IPO7: variants seen among roughly 807,000 people sequenced by gnomAD.
The protein encoded by IPO7 is importin-7.
Under a neutral mutation model 136.4 loss-of-function variants are expected in IPO7, and 13 were observed. The ratio of observed to expected loss-of-function variants is 0.10; its 90% CI spans 0.06 to 0.15. The LOEUF (loss-of-function observed/expected upper bound fraction) is 0.15. Among genes scored for constraint, IPO7 ranks in the 10% least tolerant of loss-of-function variants. The probability of loss-of-function intolerance (pLI) is 1.00; values close to 1 mark genes in which losing one functional copy is unlikely to be tolerated. For missense variants in IPO7, 857 were observed against 1,240.6 expected (o/e 0.69, Z 4.65); for synonymous variants, 403 against 404.4 (o/e 1.00, Z 0.04).
At chr11:9,399,783 T>C (rs1018571049) in intron 1 of IPO7, among the ~76,000 whole-genome samples, 3 of 152,146 alleles carry the variant, frequency 2.0e-5, no homozygotes, top group African/African-American at 7.2e-5. Context: ...CTGAGTGGCA[T>C]AGGTGGAAGG....
intron 4 of IPO7, among the ~76,000 whole-genome samples, chr11:9,412,915 G>T (rs1246533605): frequency 6.8e-6 from 1 of 148,140 alleles, no homozygotes; most frequent in African/African-American, 2.5e-5. Flanking sequence ...TTTTGAGACG[G>T]AGTCTCTCTC....
chr11:9,410,163 T>G, intron 4 of IPO7, 77 bp downstream of exon 4: 1 of 952,864 alleles, frequency 1.0e-6, no homozygotes, highest in Non-Finnish European at 1.5e-6. Flanking sequence ...TTTGAACATG[T>G]AAAATTATAT....
At chr11:9,413,291 A>G (rs1183611749) in intron 4 of IPO7, among the ~76,000 whole-genome samples, 2 of 152,102 alleles carry the variant, frequency 1.3e-5, no homozygotes, top group Non-Finnish European at 2.9e-5. Context: ...CCTGTTGGTC[A>G]CATTTTGTTG....
intron 1 of IPO7, among the ~76,000 whole-genome samples, chr11:9,388,474 CTATTTATTTA>C (rs1008193397): frequency 8.0e-5 from 12 of 150,172 alleles, no homozygotes; most frequent in African/African-American, 2.9e-4. Context: ...CATGCCCAGC[CTATTTATTTA>C]TATTTATTTT....
intron 12 of IPO7, among the ~76,000 whole-genome samples, chr11:9,425,888 A>G (rs1855198381): frequency 6.6e-6 from 1 of 151,260 alleles, no homozygotes; most frequent in South Asian, 2.1e-4. Flanking sequence ...CCAAAAAAAA[A>G]AAAAAAAATC....
chr11:9,412,789 C>G (rs1590436340), intron 4 of IPO7, among the ~76,000 whole-genome samples: 1 of 151,936 alleles, frequency 6.6e-6, no homozygotes, highest in African/African-American at 2.4e-5. Context: ...CCATGATCAC[C>G]ACTGCACTCC....
chr11:9,389,210 G>GTACT (rs1854594167), intron 1 of IPO7, among the ~76,000 whole-genome samples: 4 of 151,814 alleles, frequency 2.6e-5, no homozygotes, highest in Non-Finnish European at 4.4e-5. Flanking sequence ...CACCACATCT[G>GTACT]GCCAATTTTT....
intron 1 of IPO7, among the ~76,000 whole-genome samples, chr11:9,386,567 A>G (rs1321744747): frequency 1.3e-5 from 2 of 152,184 alleles, no homozygotes; most frequent in Admixed American, 6.5e-5. Context: ...TGTAATTATT[A>G]ATTTTAAAAG....
At position 9,405,364 on chromosome 11, in the gene IPO7, T is replaced by C. The variant is rs540026694; in HGVS notation, c.166+1993T>C. On this transcript the variant is annotated intron_variant, in intron 2 of 24. Transcript: ENST00000379719. ...TAATTCTTTGTATTTTTAGTAGAGA[T>C]GGGGTTTCACCGTGTTAGCCAGGAT... Among the ~76,000 whole-genome samples the C allele has an allele frequency of 4.6e-5, 7 of 151,984 alleles. No individual in the cohort carries two copies. The South Asian group carries it at 6.2e-4, about 14-fold the overall frequency.
Position 9,397,361 on chromosome 11 carries a change from T to TATATATATATATATATATATATATTA in IPO7, c.85-5925_85-5924insATATATATATATATATATATTAATAT, listed in dbSNP as rs377148636. 4.3e-3 allele frequency among the ~76,000 whole-genome samples: 181 copies of TATATATATATATATATATATATATTA among 42,072 alleles called. 4 individuals are homozygous for TATATATATATATATATATATATATTA. Among genetic ancestry groups the TATATATATATATATATATATATATTA allele is most frequent in the Middle Eastern group, 0.013 (1 of 78 alleles). 27.6% of individuals were successfully genotyped at this position (42,072 alleles called of 152,430 possible). On this transcript the variant is annotated intron_variant, in intron 1 of 24. Transcript: ENST00000379719. ...AAAAAAATATATATATATATATATA[T>TATATATATATATATATATATATATTA]ATATTAGTCGGGCACGGTGGCAGGT... is the stretch of plus-strand genomic sequence containing the variant.
At chr11:9,429,637 G>T in intron 14 of IPO7, 37 bp from the exon 15 acceptor site, 1 of 1,555,472 alleles carries the variant, frequency 6.4e-7, no homozygotes, top group South Asian at 1.2e-5. Context: ...AGAAGTTTTA[G>T]GGGTTTTACG....
intron 1 of IPO7, among the ~76,000 whole-genome samples, chr11:9,389,349 G>T (rs888063130): frequency 4.6e-5 from 7 of 152,080 alleles, no homozygotes; most frequent in African/African-American, 1.7e-4. Context: ...ACACCAGCCG[G>T]TGTTTTTAAA....
At chr11:9,433,492 C>A in intron 16 of IPO7, 78 bp from the exon 17 acceptor site, 1 of 929,942 alleles carries the variant, frequency 1.1e-6, no homozygotes, top group Non-Finnish European at 1.7e-6. Flanking sequence ...TTTAAGTGTA[C>A]TGAATTATAA....
intron 5 of IPO7, among the ~76,000 whole-genome samples, chr11:9,416,673 A>G (rs1704497675): frequency 6.6e-6 from 1 of 152,232 alleles, no homozygotes; most frequent in South Asian, 2.1e-4. Context: ...ACATCACGTT[A>G]AAATAGAGAC....
intron 10 of IPO7, among the ~76,000 whole-genome samples, chr11:9,424,374 A>C (rs1713622067): frequency 6.6e-6 from 1 of 152,234 alleles, no homozygotes; most frequent in African/African-American, 2.4e-5. Flanking sequence ...TGTTTCATAC[A>C]TACGATTTAA....
rs1006718139 is a variant in IPO7, at chr11:9,384,681, C to G, written c.-83C>G. ...TCGCGCCGGTTGCCGCTGCGGAGCG[C>G]GGCGGGTCCATGTGCGCAGTGAGTG... is the stretch of plus-strand genomic sequence containing the variant. On this transcript the variant is annotated 5_prime_UTR_variant, in exon 1 of 25. Coordinates refer to ENST00000379719, the MANE Select transcript of IPO7 (RefSeq NM_006391.3). 6 of 1,162,118 alleles carry G rather than the reference C, an allele frequency of 5.2e-6. No homozygotes were observed. Among genetic ancestry groups the G allele is most frequent in the Non-Finnish European group, 7.3e-6 (6 of 820,854 alleles). 72.0% of individuals were successfully genotyped at this position (1,162,118 alleles called of 1,614,324 possible). A position where few individuals can be genotyped will look rare whatever the true frequency, so the allele number is the denominator to read the frequency against.
At chr11:9,415,237 G>C (rs1847899975) in intron 5 of IPO7, among the ~76,000 whole-genome samples, 2 of 151,690 alleles carry the variant, frequency 1.3e-5, no homozygotes, top group African/African-American at 4.8e-5. Context: ...CAGGAGAAAA[G>C]CTTGAACCTG....
intron 2 of IPO7, among the ~76,000 whole-genome samples, chr11:9,407,837 G>A (rs548560935): frequency 6.6e-6 from 1 of 152,246 alleles, no homozygotes; most frequent in South Asian, 2.1e-4. Flanking sequence ...AAAGTGCTGG[G>A]TAAAAAGCTT....
At chr11:9,436,868 A>ATATATATAT (rs1855382626) in intron 20 of IPO7, among the ~76,000 whole-genome samples, 1 of 18,228 alleles carries the variant, frequency 5.5e-5, no homozygotes, top group Admixed American at 1.2e-3. Context: ...ATATATATAT[A>ATATATATAT]TTTTTTTTTT....
Sources: allele counts gnomAD v4.1 joint callset (sites outside exome capture counted in the v4.1 genomes callset), GRCh38; gene constraint gnomAD v4.1.1; transcripts MANE v1.5; gene names NCBI Gene and HGNC (gene_info 2026-07-23, HGNC 2026-07-21).